Variants in MME observed in about 807,000 individuals in gnomAD.
The protein encoded by MME is membrane metalloendopeptidase, also known as neprilysin.
MME carries 98 observed loss-of-function variants against 113.2 expected under a neutral mutation model. That is an observed-to-expected ratio of 0.87 (90% CI 0.74 to 1.02). The LOEUF is 1.02. Ranked by LOEUF, MME falls within the 50% of genes least tolerant of loss-of-function variation. The pLI, the probability that MME is intolerant of heterozygous loss-of-function variation, is 0.00. For synonymous variants in MME, 292 were observed against 300.6 expected, an observed-to-expected ratio of 0.97 and a Z score of 0.30; for missense variants, 836 against 896.0, an observed-to-expected ratio of 0.93 and a Z score of 0.86.
Position 155,143,500 on chromosome 3 carries a change from A to G in MME, c.1246A>G (p.Asn416Asp). The change falls in exon 13 of 23, where the codon AAT (asparagine) becomes GAT (aspartate). Residue 416 changes from asparagine (N) to aspartate (D), a missense_variant. Transcript: ENST00000360490. ...ATWRRCANYV[N>D]GNMENAVGRL... ...TTGGAGACGTTGTGCAAACTATGTC[A>G]ATGGGAATATGGAAAATGCTGTGGG... 1 of 1,612,882 alleles carries G rather than the reference A, an allele frequency of 6.2e-7. No individual in the cohort carries two copies. The highest frequency in any genetic ancestry group is 8.5e-7 in the Non-Finnish European group (1 of 1,179,096).
intron 20 of MME, 38 bp downstream of exon 20, chr3:155,168,835 A>T (rs766315967): frequency 1.3e-6 from 2 of 1,526,046 alleles, no homozygotes; most frequent in East Asian, 2.3e-5. Context: ...TTAGTGATTT[A>T]GAGTGTTTCT....
intron 3 of MME, among the ~76,000 whole-genome samples, chr3:155,086,818 T>G (rs1715768914): frequency 6.6e-6 from 1 of 152,058 alleles, no homozygotes; most frequent in Non-Finnish European, 1.5e-5. Context: ...TTTATTTATT[T>G]ATTTGAGGCA....
chr3:155,175,894 T>C (rs1408994237), intron 22 of MME, among the ~76,000 whole-genome samples: 2 of 152,202 alleles, frequency 1.3e-5, no homozygotes, highest in African/African-American at 4.8e-5. Context: ...TCCTGATATT[T>C]ATAGATATCA....
intron 3 of MME, among the ~76,000 whole-genome samples, chr3:155,104,168 G>A (rs1318736816): frequency 6.6e-6 from 1 of 152,086 alleles, no homozygotes; most frequent in Non-Finnish European, 1.5e-5. Context: ...ATCACACCAT[G>A]GTATGTTCAG....
chr3:155,077,102 G>A (rs774278018), upstream of MME, among the ~76,000 whole-genome samples: 25 of 152,120 alleles, frequency 1.6e-4, no homozygotes, highest in African/African-American at 2.9e-4. Flanking sequence ...TATTTTACCC[G>A]GCCCCTATTC....
At chr3:155,114,641 G>T (rs1482148262) in intron 3 of MME, among the ~76,000 whole-genome samples, 1 of 152,166 alleles carries the variant, frequency 6.6e-6, no homozygotes, top group Non-Finnish European at 1.5e-5. Flanking sequence ...GTGAAGAATG[G>T]CATGCTAACC....
intron 1 of MME, among the ~76,000 whole-genome samples, chr3:155,029,557 A>C (rs1712898667): frequency 1.3e-5 from 2 of 151,868 alleles, no homozygotes; most frequent in African/African-American, 4.8e-5. Flanking sequence ...AATTTAGCTC[A>C]AGCCAAGTCA....
intron 8 of MME, among the ~76,000 whole-genome samples, chr3:155,134,796 T>C (rs919603984): frequency 6.6e-6 from 1 of 152,162 alleles, no homozygotes; most frequent in African/African-American, 2.4e-5. Context: ...CTCACCAGCA[T>C]CTGTTCATTT....
chr3:155,033,987 T>C (rs1335666542), intron 1 of MME, among the ~76,000 whole-genome samples: 1 of 152,146 alleles, frequency 6.6e-6, no homozygotes, highest in African/African-American at 2.4e-5. Flanking sequence ...ATTAGCGTAT[T>C]ATCTCAATTA....
In MME at chr3:155,181,254, A is replaced by T. The variant is rs1156572107; in HGVS notation, c.*795A>T. 6.6e-6 allele frequency: 1 copy of T among 152,070 alleles called. No individual in the cohort carries two copies. The highest frequency in any genetic ancestry group is 1.5e-5 in the Non-Finnish European group (1 of 68,010). The allele number at this position is 152,070 out of a possible 1,614,324, so 9.4% of individuals were successfully genotyped here. On this transcript the variant is annotated 3_prime_UTR_variant, in exon 23 of 23. Transcript: ENST00000360490. Reference sequence around the variant, plus strand: ...TTTATGAGTAACTATTATTATAGGTAATCAATGAATATTGAAGTTTCAGCT... The same window carrying T: ...TTTATGAGTAACTATTATTATAGGTTATCAATGAATATTGAAGTTTCAGCT...
intron 1 of MME, among the ~76,000 whole-genome samples, chr3:155,039,388 CAG>C (rs1184216474): frequency 6.6e-6 from 1 of 152,114 alleles, no homozygotes; most frequent in Non-Finnish European, 1.5e-5. Flanking sequence ...TTAAATAGGT[CAG>C]GGGTATATTG....
intron 18 of MME, among the ~76,000 whole-genome samples, chr3:155,167,584 G>A (rs1313261554): frequency 6.6e-6 from 1 of 152,090 alleles, no homozygotes; most frequent in African/African-American, 2.4e-5. Flanking sequence ...CGTGAAATAT[G>A]TAAAGAGGTG....
At chr3:155,149,694 C>T (rs1159763260) in intron 16 of MME, among the ~76,000 whole-genome samples, 2 of 151,574 alleles carry the variant, frequency 1.3e-5, no homozygotes, top group African/African-American at 4.8e-5. Flanking sequence ...GTGCTGTGGG[C>T]TTATTTGATG....
intron 1 of MME, among the ~76,000 whole-genome samples, chr3:155,028,581 G>T (rs1712862354): frequency 6.6e-6 from 1 of 152,168 alleles, no homozygotes; most frequent in Non-Finnish European, 1.5e-5. Flanking sequence ...TGGAGGAACA[G>T]ATCATCAGAG....
At chr3:155,067,563 C>G (rs961159149) in intron 1 of MME, among the ~76,000 whole-genome samples, 2 of 151,984 alleles carry the variant, frequency 1.3e-5, no homozygotes, top group Non-Finnish European at 2.9e-5. Flanking sequence ...CCCACCTCGG[C>G]CTCCCAAAGT....
chr3:155,165,661 A>G (rs1723038851), intron 17 of MME, among the ~76,000 whole-genome samples: 1 of 152,170 alleles, frequency 6.6e-6, no homozygotes, highest in African/African-American at 2.4e-5. Flanking sequence ...AAAGTGGGAG[A>G]CTGATTAGGA....
chr3:155,114,576 A>G (rs1305069487), intron 3 of MME, among the ~76,000 whole-genome samples: 1 of 152,234 alleles, frequency 6.6e-6, no homozygotes, highest in Non-Finnish European at 1.5e-5. Flanking sequence ...AGTCTCAGAG[A>G]CTTTCAAAAG....
intron 1 of MME, among the ~76,000 whole-genome samples, chr3:155,082,590 C>T (rs1422929449): frequency 1.3e-5 from 2 of 152,144 alleles, no homozygotes; most frequent in South Asian, 2.1e-4. Context: ...TTAAGTAAGA[C>T]ATTTTAACAT....
intron 1 of MME, among the ~76,000 whole-genome samples, chr3:155,065,355 G>A (rs1447516351): frequency 6.6e-6 from 1 of 152,032 alleles, no homozygotes; most frequent in Non-Finnish European, 1.5e-5. Flanking sequence ...ATGTCTTAAG[G>A]ACCTACCAGA....
Sources: gnomAD v4.1 joint callset for allele counts (sites outside exome capture counted in the v4.1 genomes callset) on GRCh38, gnomAD v4.1.1 for gene constraint, MANE v1.5 for transcripts, NCBI Gene and HGNC (gene_info 2026-07-23, HGNC 2026-07-21) for gene names.